Variants in AGBL1 observed in about 807,000 individuals in gnomAD.
The protein encoded by AGBL1 is cytosolic carboxypeptidase 4.
A neutral mutation model predicts 118.9 loss-of-function variants in AGBL1; 130 were observed. The observed-to-expected ratio is 1.09, with a 90% CI of 0.95 to 1.26. AGBL1 has a LOEUF of 1.26. Among genes scored for constraint, AGBL1 ranks in the 50% most tolerant of loss-of-function variants. The probability of loss-of-function intolerance (pLI) is 0.00; values close to 1 mark genes in which losing one functional copy is unlikely to be tolerated. For missense variants in AGBL1, 1,584 were observed against 1,298.1 expected (o/e 1.22, Z -3.38); for synonymous variants, 555 against 478.9 (o/e 1.16, Z -2.08).
intron 21 of AGBL1, among the ~76,000 whole-genome samples, chr15:86,584,084 G>T (rs2084212395): frequency 6.6e-6 from 1 of 152,038 alleles, no homozygotes; most frequent in Non-Finnish European, 1.5e-5. Context: ...CTGGATATTA[G>T]ACCTTTGTTG....
intron 22 of AGBL1, among the ~76,000 whole-genome samples, chr15:86,827,347 ATATATATATATATATGTGTGTG>A: frequency 9.2e-5 from 1 of 10,880 alleles, no homozygotes; most frequent in African/African-American, 9.0e-4. Context: ...ATGTGTATAT[ATATATATATATATATGTGTGTG>A]TATATATATA....
chr15:86,247,538 C>A, intron 6 of AGBL1, 133 bp from the exon 7 acceptor site: 1 of 1,001,362 alleles, frequency 1.0e-6, no homozygotes, highest in Non-Finnish European at 1.5e-6. Context: ...TGACATCTGC[C>A]AGTTTTCATA....
At chr15:86,493,891 C>A (rs932648156) in intron 18 of AGBL1, among the ~76,000 whole-genome samples, 4 of 152,012 alleles carry the variant, frequency 2.6e-5, no homozygotes, top group Non-Finnish European at 5.9e-5. Flanking sequence ...ACTATTTAGA[C>A]TGTTTAGCTT....
intron 24 of AGBL1, among the ~76,000 whole-genome samples, chr15:87,019,418 C>T (rs1043424697): frequency 3.9e-5 from 6 of 152,032 alleles, no homozygotes; most frequent in Non-Finnish European, 7.4e-5. Context: ...TTATAACAAA[C>T]AGTCTGTTAG....
intron 22 of AGBL1, among the ~76,000 whole-genome samples, chr15:86,813,539 A>C (rs1282122194): frequency 6.6e-6 from 1 of 152,126 alleles, no homozygotes; most frequent in Admixed American, 6.5e-5. Context: ...CTGTCTTCCA[A>C]AGAGGATAGC....
At chr15:86,119,378 T>C (rs1401639094) in intron 1 of AGBL1, among the ~76,000 whole-genome samples, 1 of 152,072 alleles carries the variant, frequency 6.6e-6, no homozygotes, top group Non-Finnish European at 1.5e-5. Flanking sequence ...TTTTCCTTCT[T>C]GCTACTGATG....
At chr15:86,120,799 C>T (rs1441338024) in intron 1 of AGBL1, among the ~76,000 whole-genome samples, 1 of 152,148 alleles carries the variant, frequency 6.6e-6, no homozygotes, top group African/African-American at 2.4e-5. Context: ...AAATGTGTTT[C>T]TGGTTTCTGC....
chr15:86,690,134 G>A (rs192727084), intron 22 of AGBL1, among the ~76,000 whole-genome samples: 4 of 152,234 alleles, frequency 2.6e-5, no homozygotes, highest in Admixed American at 2.6e-4. Flanking sequence ...AGTAAAGAGT[G>A]ATACATACAA....
Position 86,486,052 on chromosome 15 carries a change from C to T in AGBL1, c.2556-36758C>T, listed in dbSNP as rs533372430. ...AGGTTCTTCTGTTTACGATGTGAAC[C>T]TTAGTCACGATACTTAACCTCTGCA... On this transcript the variant is annotated intron_variant, in intron 18 of 22. Transcript: ENST00000614907. Among the ~76,000 whole-genome samples the T allele has an allele frequency of 2.0e-5, 3 of 152,164 alleles. No individual in the cohort carries two copies. In the South Asian group the frequency reaches 6.2e-4, roughly 32 times the overall value.
intron 18 of AGBL1, among the ~76,000 whole-genome samples, chr15:86,399,781 C>T (rs770841684): frequency 9.9e-5 from 15 of 152,178 alleles, no homozygotes; most frequent in Non-Finnish European, 1.6e-4. Context: ...GCTTTGGATT[C>T]CCAAATGGCA....
At position 86,675,740 on chromosome 15, in the gene AGBL1, C is replaced by G. The variant is rs192308480; in HGVS notation, c.3158+1304C>G. Among the ~76,000 whole-genome samples, 214 of 152,228 alleles carry G rather than the reference C, an allele frequency of 1.4e-3. 1 individual carries two copies. Among genetic ancestry groups the G allele is most frequent in the Non-Finnish European group, 2.4e-3 (164 of 68,008 alleles). On this transcript the variant is annotated intron_variant, in intron 22 of 22. Transcript: ENST00000614907. ...TTCATCTTTTCCTTTACTAAGCTAT[C>G]TTGGGTGTAGGCATGCCTGGATTTT...
Position 86,792,663 on chromosome 15 carries a change from G to A in AGBL1, c.3159-114424G>A, listed in dbSNP as rs769556999. ...TCTTTTAAAATTTAACAATATTAGC[G>A]GGGTGTGGTGGCTCATTCCTGTAAT... On this transcript the variant is annotated intron_variant, in intron 22 of 22. Transcript: ENST00000614907. Among the ~76,000 whole-genome samples the A allele has an allele frequency of 2.0e-5, 3 of 152,094 alleles. No homozygotes were observed. The South Asian group carries it at 6.2e-4, about 32-fold the overall frequency.
chr15:86,508,793 C>G (rs1036521986), intron 18 of AGBL1, among the ~76,000 whole-genome samples: 5 of 152,048 alleles, frequency 3.3e-5, no homozygotes, highest in African/African-American at 1.2e-4. Context: ...GATTTATAGT[C>G]TAAATCTGTA....
intron 17 of AGBL1, among the ~76,000 whole-genome samples, chr15:86,337,510 G>T (rs2080391708): frequency 6.6e-6 from 1 of 152,182 alleles, no homozygotes; most frequent in South Asian, 2.1e-4. Flanking sequence ...ATACACCATG[G>T]AATACTATGC....
chr15:86,553,762 C>T (rs2083694112), intron 20 of AGBL1, among the ~76,000 whole-genome samples: 1 of 152,118 alleles, frequency 6.6e-6, no homozygotes, highest in Non-Finnish European at 1.5e-5. Flanking sequence ...AGCCTTGGTC[C>T]ATAGCAATAC....
chr15:86,919,859 C>A (rs1347284864), downstream of AGBL1, among the ~76,000 whole-genome samples: 1 of 152,086 alleles, frequency 6.6e-6, no homozygotes, highest in Non-Finnish European at 1.5e-5. Context: ...TGTCTGGAGT[C>A]CCAGTGGGGC....
intron 5 of AGBL1, among the ~76,000 whole-genome samples, chr15:86,176,418 C>T (rs1325178542): frequency 1.3e-5 from 2 of 152,216 alleles, no homozygotes; most frequent in Non-Finnish European, 2.9e-5. Context: ...TGCAAGGTTG[C>T]TGTCAGTGGC....
chr15:86,158,899 G>A, intron 4 of AGBL1, 34 bp from the exon 5 acceptor site: 2 of 1,596,984 alleles, frequency 1.3e-6, no homozygotes, highest in South Asian at 1.1e-5. Context: ...TCATCCACTT[G>A]TGACCATAAC....
chr15:86,994,578 T>A (rs2081363619), intron 24 of AGBL1, among the ~76,000 whole-genome samples: 1 of 152,170 alleles, frequency 6.6e-6, no homozygotes, highest in Non-Finnish European at 1.5e-5. Context: ...TCCCAGACAA[T>A]GAAAAAATGA....
Sources: allele counts gnomAD v4.1 joint callset (sites outside exome capture counted in the v4.1 genomes callset), GRCh38; gene constraint gnomAD v4.1.1; transcripts MANE v1.5; gene names NCBI Gene and HGNC (gene_info 2026-07-23, HGNC 2026-07-21).